OPCML: variants seen among roughly 807,000 people sequenced by gnomAD.
OPCML encodes the protein opioid binding protein/cell adhesion molecule like, also known as opioid-binding protein/cell adhesion molecule.
OPCML carries 13 observed loss-of-function variants against 37.8 expected under a neutral mutation model. The ratio of observed to expected loss-of-function variants is 0.34; its 90% confidence interval spans 0.22 to 0.55. The LOEUF (loss-of-function observed/expected upper bound fraction) is 0.55. OPCML is among the 20% of genes least tolerant of loss of function. The probability of loss-of-function intolerance (pLI) is 0.91; values close to 1 mark genes in which losing one functional copy is unlikely to be tolerated. For synonymous variants in OPCML, 176 were observed against 168.8 expected (o/e 1.04, Z -0.33); for missense variants, 341 against 435.6 (o/e 0.78, Z 1.93).
intron 3 of OPCML, among the ~76,000 whole-genome samples, chr11:132,629,523 G>T (rs1939964968): frequency 6.6e-6 from 1 of 152,138 alleles, no homozygotes; most frequent in Non-Finnish European, 1.5e-5. Context: ...GAAAATAGGG[G>T]TAACTCAAGA....
At chr11:132,731,508 T>C (rs1198654635) in intron 2 of OPCML, among the ~76,000 whole-genome samples, 1 of 152,218 alleles carries the variant, frequency 6.6e-6, no homozygotes, top group African/African-American at 2.4e-5. Flanking sequence ...AGTTGAGTTA[T>C]GTCTATATAT....
chr11:132,440,025 G>C (rs1205329663), intron 4 of OPCML, among the ~76,000 whole-genome samples: 1 of 152,180 alleles, frequency 6.6e-6, no homozygotes, highest in Non-Finnish European at 1.5e-5. Flanking sequence ...CACGTAGGGA[G>C]GGGATGGTTT....
chr11:132,628,127 A>G (rs1415246417), intron 3 of OPCML, among the ~76,000 whole-genome samples: 2 of 152,090 alleles, frequency 1.3e-5, no homozygotes, highest in African/African-American at 4.8e-5. Flanking sequence ...CTGAGAGAGG[A>G]CAGAAGACAG....
At chr11:133,383,411 G>T (rs1944973458) in intron 1 of OPCML, among the ~76,000 whole-genome samples, 1 of 152,192 alleles carries the variant, frequency 6.6e-6, no homozygotes, top group Non-Finnish European at 1.5e-5. Context: ...CAGCTGGTGA[G>T]TGTCTGAGTG....
At chr11:132,937,212 C>T (rs11607532) in intron 2 of OPCML, among the ~76,000 whole-genome samples, 2 of 151,966 alleles carry the variant, frequency 1.3e-5, no homozygotes, top group African/African-American at 4.8e-5. Flanking sequence ...CGGACCGGCT[C>T]CCCAGCTCCC....
chr11:132,898,840 C>G (rs1001681558), intron 2 of OPCML, among the ~76,000 whole-genome samples: 4 of 150,736 alleles, frequency 2.7e-5, no homozygotes, highest in South Asian at 2.1e-4. Flanking sequence ...TTTAGACTGC[C>G]CCCCCCACCC....
chr11:133,384,260 A>G (rs1227320835), intron 1 of OPCML, among the ~76,000 whole-genome samples: 2 of 136,690 alleles, frequency 1.5e-5, no homozygotes, highest in Non-Finnish European at 3.0e-5. Flanking sequence ...AAAAAAAAAA[A>G]AAAAAGAAAA....
intron 1 of OPCML, among the ~76,000 whole-genome samples, chr11:133,471,903 G>A (rs1417227504): frequency 1.3e-5 from 2 of 152,212 alleles, no homozygotes; most frequent in African/African-American, 4.8e-5. Flanking sequence ...CTGACCAGCA[G>A]GAGGATTTCT....
At chr11:133,175,027 C>T (rs1032518435) in intron 1 of OPCML, among the ~76,000 whole-genome samples, 6 of 152,296 alleles carry the variant, frequency 3.9e-5, no homozygotes, top group South Asian at 2.1e-4. Context: ...TCACTTGAGC[C>T]TAAGAGGTTG....
At chr11:132,503,437 A>G (rs182288028) in intron 4 of OPCML, among the ~76,000 whole-genome samples, 15 of 152,294 alleles carry the variant, frequency 9.8e-5, no homozygotes, top group African/African-American at 3.6e-4. Context: ...TCCTGTCCCC[A>G]CTATTGCATT....
At chr11:132,649,921 G>T (rs190890160) in intron 3 of OPCML, among the ~76,000 whole-genome samples, 4 of 148,584 alleles carry the variant, frequency 2.7e-5, no homozygotes, top group Non-Finnish European at 4.4e-5. Context: ...ACACATACAC[G>T]CACTGTTACA....
chr11:132,544,851 G>A (rs545251167), intron 3 of OPCML, among the ~76,000 whole-genome samples: 35 of 152,252 alleles, frequency 2.3e-4, no homozygotes, highest in South Asian at 2.1e-4. Flanking sequence ...AGGTGAGGAA[G>A]GAGCCACACA....
intron 2 of OPCML, among the ~76,000 whole-genome samples, chr11:132,723,336 C>T (rs1329530389): frequency 6.6e-6 from 1 of 152,178 alleles, no homozygotes; most frequent in African/African-American, 2.4e-5. Flanking sequence ...AGCATTACAG[C>T]AGAGTGGGTA....
At chr11:132,923,755 A>ATTTTTTTTT (rs71038509) in intron 2 of OPCML, among the ~76,000 whole-genome samples, 9 of 92,096 alleles carry the variant, frequency 9.8e-5, no homozygotes, top group South Asian at 4.8e-4. Flanking sequence ...AGTTACTTGA[A>ATTTTTTTTT]TTTTTTTTTT....
At chr11:132,448,841 T>G (rs2096061816) in intron 4 of OPCML, among the ~76,000 whole-genome samples, 1 of 152,226 alleles carries the variant, frequency 6.6e-6, no homozygotes, top group Admixed American at 6.5e-5. Context: ...TTTCAGTAAG[T>G]GTTTTCAGCC....
intron 1 of OPCML, among the ~76,000 whole-genome samples, chr11:133,039,962 G>T (rs1055757990): frequency 3.3e-5 from 5 of 151,708 alleles, no homozygotes; most frequent in Non-Finnish European, 7.4e-5. Flanking sequence ...CCGGGAGGCG[G>T]AGGTTGCAGT....
At chr11:132,636,224 C>T (rs1940486493) in intron 3 of OPCML, among the ~76,000 whole-genome samples, 1 of 151,936 alleles carries the variant, frequency 6.6e-6, no homozygotes, top group African/African-American at 2.4e-5. Flanking sequence ...CCCTAAAATC[C>T]AGATTTAAAC....
chr11:133,059,359 G>C (rs1003391296), intron 1 of OPCML, among the ~76,000 whole-genome samples: 5 of 152,198 alleles, frequency 3.3e-5, no homozygotes, highest in Non-Finnish European at 4.4e-5. Flanking sequence ...AGGGAGGTCA[G>C]AACTATTGTC....
chr11:132,707,888 A>G (rs890888922), intron 2 of OPCML, among the ~76,000 whole-genome samples: 1 of 152,200 alleles, frequency 6.6e-6, no homozygotes, highest in Non-Finnish European at 1.5e-5. Context: ...ATAACCATTG[A>G]GCCTGAAAAC....
Sources: gnomAD v4.1 joint callset for allele counts (sites outside exome capture counted in the v4.1 genomes callset) on GRCh38, gnomAD v4.1.1 for gene constraint, MANE v1.5 for transcripts, NCBI Gene and HGNC (gene_info 2026-07-23, HGNC 2026-07-21) for gene names.